The following CREB3L3 variants were observed in gnomAD, a reference collection of about 807,000 sequenced individuals.
The protein encoded by CREB3L3 is cyclic AMP-responsive element-binding protein 3-like protein 3.
A neutral mutation model predicts 44.6 loss-of-function variants in CREB3L3; 40 were observed. That is an observed-to-expected ratio of 0.90 (90% CI 0.70 to 1.17). The LOEUF (loss-of-function observed/expected upper bound fraction) is 1.17. Ranked by LOEUF, CREB3L3 falls within the 50% of genes most tolerant of loss-of-function variation. The probability of loss-of-function intolerance (pLI) is 0.00; values close to 1 mark genes in which losing one functional copy is unlikely to be tolerated. For synonymous variants in CREB3L3, 273 were observed against 256.3 expected (o/e 1.06, Z -0.62); for missense variants, 578 against 595.8 (o/e 0.97, Z 0.31).
chr19:4,172,909 C>G lies in CREB3L3; in HGVS notation c.*940C>G, dbSNP rs1313663512. Reference sequence around the variant, plus strand: ...CCCAGGGACCCCTCCCGGCCTCCCTCGCACACTGGGAGGAGGAAGCCGCCG... The same window carrying G: ...CCCAGGGACCCCTCCCGGCCTCCCTGGCACACTGGGAGGAGGAAGCCGCCG... On this transcript the variant is annotated 3_prime_UTR_variant, in exon 10 of 10. Coordinates refer to ENST00000078445, the MANE Select transcript of CREB3L3 (RefSeq NM_032607.3). The G allele has an allele frequency of 1.3e-5, 2 of 153,722 alleles. No homozygotes were observed. Among genetic ancestry groups the G allele is most frequent in the Non-Finnish European group, 2.9e-5 (2 of 69,046 alleles). 9.5% of individuals were successfully genotyped at this position (153,722 alleles called of 1,614,324 possible).
At position 4,159,724 on chromosome 19, in the gene CREB3L3, C is replaced by A; in HGVS notation, c.518C>A (p.Ser173Tyr). 6.2e-7 allele frequency: 1 copy of A among 1,600,988 alleles called. No homozygotes were observed. Among genetic ancestry groups the A allele is most frequent in the South Asian group, 1.1e-5 (1 of 90,844 alleles). The change falls in exon 4 of 10, where the codon TCC becomes TAC. Residue 173 changes from serine to tyrosine, a missense_variant. Coordinates refer to ENST00000078445, the MANE Select transcript of CREB3L3 (RefSeq NM_032607.3). ...AEKPADPVDLSPRCNLTVKDL... is the reference protein window; with the variant it reads ...AEKPADPVDLYPRCNLTVKDL... ...AAGCCGGCTGATCCGGTGGACCTGTCCCCACGATGCAATCTCACCGTGAAA... is the reference window on the plus strand; with the variant it reads ...AAGCCGGCTGATCCGGTGGACCTGTACCCACGATGCAATCTCACCGTGAAA...
chr19:4,163,339 A>AGAAG (rs752138593), intron 4 of CREB3L3, among the ~76,000 whole-genome samples: 1 of 149,956 alleles, frequency 6.7e-6, no homozygotes, highest in Non-Finnish European at 1.5e-5. Flanking sequence ...AAAGAAAGAA[A>AGAAG]GAAAGAAAGA....
intron 3 of CREB3L3, 100 bp downstream of exon 3, chr19:4,157,395 A>G: frequency 7.5e-7 from 1 of 1,330,742 alleles, no homozygotes; most frequent in Non-Finnish European, 1.1e-6. Flanking sequence ...CATCTTGTCC[A>G]AGGTCACACA....
At position 4,172,120 on chromosome 19, in the gene CREB3L3, C is replaced by A; in HGVS notation, c.*151C>A. ...GAGGCACAGCTCATAGCCACACACC[C>A]AGGGCCTGACTGAGGCCCACGCAGG... On this transcript the variant is annotated 3_prime_UTR_variant, in exon 10 of 10. Transcript: ENST00000078445. The A allele has an allele frequency of 1.2e-6, 1 of 849,564 alleles. No individual in the cohort carries two copies. The highest frequency in any genetic ancestry group is 1.8e-6 in the Non-Finnish European group (1 of 564,888). 52.6% of individuals were successfully genotyped at this position (849,564 alleles called of 1,614,324 possible). A position where few individuals can be genotyped will look rare whatever the true frequency, so the allele number is the denominator to read the frequency against.
chr19:4,171,279 T>G lies in CREB3L3; in HGVS notation c.975+104T>G. 1 of 1,443,434 alleles carries G rather than the reference T, an allele frequency of 6.9e-7. No individual in the cohort carries two copies. Among genetic ancestry groups the G allele is most frequent in the Non-Finnish European group, 9.7e-7 (1 of 1,029,094 alleles). 89.4% of individuals were successfully genotyped at this position (1,443,434 alleles called of 1,614,324 possible). A position where few individuals can be genotyped will look rare whatever the true frequency, so the allele number is the denominator to read the frequency against. On this transcript the variant is annotated intron_variant, in intron 8 of 9. Coordinates refer to ENST00000078445, the MANE Select transcript of CREB3L3 (RefSeq NM_032607.3). This position sits in a 1 kb window ranked among gnomAD's most constrained non-coding sequence, Gnocchi z 4.9. ...AGCTCTCCTTGTGCCCCAGCTCAAG[T>G]ATGATCCAGTCTGGTCTTTGGGGCC...
At chr19:4,163,915 C>T (rs1412065604) in intron 4 of CREB3L3, among the ~76,000 whole-genome samples, 1 of 151,496 alleles carries the variant, frequency 6.6e-6, no homozygotes, top group Non-Finnish European at 1.5e-5. Flanking sequence ...AGCAGTTCTC[C>T]TGCCTCAGCC....
At position 4,170,733 on chromosome 19, in the gene CREB3L3, C is replaced by T. The variant is rs184007954; in HGVS notation, c.891-358C>T. Among the ~76,000 whole-genome samples the T allele has an allele frequency of 7.2e-5, 11 of 151,754 alleles. No homozygotes were observed. In the East Asian group the frequency reaches 2.1e-3, roughly 30 times the overall value. On this transcript the variant is annotated intron_variant, in intron 7 of 9. Transcript: ENST00000078445. Reference sequence around the variant, plus strand: ...GACCATCCTGGCTAACACGGTGAAACCCCGTCTCTACTAAAAATACAAAAA... The same window carrying T: ...GACCATCCTGGCTAACACGGTGAAATCCCGTCTCTACTAAAAATACAAAAA...
Position 4,172,842 on chromosome 19 carries a change from C to T in CREB3L3, c.*873C>T. On this transcript the variant is annotated 3_prime_UTR_variant, in exon 10 of 10. Coordinates refer to ENST00000078445, the MANE Select transcript of CREB3L3 (RefSeq NM_032607.3). ...GTAGTCTGAAACAGACCTGAACAGA[C>T]AGACAGACGCACACACACAACAGAT... 6.3e-6 allele frequency: 1 copy of T among 158,002 alleles called. No individual in the cohort carries two copies. Among genetic ancestry groups the T allele is most frequent in the Non-Finnish European group, 1.4e-5 (1 of 71,864 alleles). 9.8% of individuals were successfully genotyped at this position (158,002 alleles called of 1,614,324 possible). A position where few individuals can be genotyped will look rare whatever the true frequency, so the allele number is the denominator to read the frequency against.
chr19:4,164,753 G>A (rs1471470465), intron 5 of CREB3L3, 113 bp downstream of exon 5: 78 of 1,291,604 alleles, frequency 6.0e-5, no homozygotes, highest in Non-Finnish European at 7.8e-5. Flanking sequence ...CTGTCACTGA[G>A]GCTGGGATGC....
rs146941915 is a variant in CREB3L3, at chr19:4,160,356, G to A, written c.576+574G>A. 3.6e-3 allele frequency among the ~76,000 whole-genome samples: 554 copies of A among 151,884 alleles called. 3 individuals are homozygous for A. Among genetic ancestry groups the A allele is most frequent in the African/African-American group, 0.013 (520 of 41,458 alleles). ...AGGCTGCACCTGCTATATGCCAGGC[G>A]CTCTTTATTTATCATCTTAAAAAAG... is the stretch of plus-strand genomic sequence containing the variant. On this transcript the variant is annotated intron_variant, in intron 4 of 9. Transcript: ENST00000078445.
Position 4,157,011 on chromosome 19 carries a change from C to T in CREB3L3, c.173C>T (p.Pro58Leu). Reference protein sequence around the residue: ...HVKDQQVLPNPDSDDFLSSIL... With the variant: ...HVKDQQVLPNLDSDDFLSSIL... ...CCACCCCAGCAGGTCCTGCCAAACC[C>T]CGACTCTGACGACTTCCTCAGCTCC... Residue 58 changes from proline to leucine, a missense_variant, in exon 3 of 10, where the codon CCC becomes CTC. Coordinates refer to ENST00000078445, the MANE Select transcript of CREB3L3 (RefSeq NM_032607.3). 1.2e-6 allele frequency: 2 copies of T among 1,614,110 alleles called. No homozygotes were observed. Among genetic ancestry groups the T allele is most frequent in the Non-Finnish European group, 1.7e-6 (2 of 1,180,022 alleles).
Position 4,157,182 on chromosome 19 carries a change from C to A in CREB3L3, c.344C>A (p.Pro115His). The A allele has an allele frequency of 4.3e-6, 7 of 1,614,082 alleles. No individual in the cohort carries two copies. Among genetic ancestry groups the A allele is most frequent in the Non-Finnish European group, 5.9e-6 (7 of 1,179,998 alleles). Residue 115 changes from proline to histidine, a missense_variant, in exon 3 of 10, where the codon CCT becomes CAT. Pro to His is a moderately conservative substitution (Grantham distance 77). Coordinates refer to ENST00000078445, the MANE Select transcript of CREB3L3 (RefSeq NM_032607.3). ...GPATSPAGCH[P>H]AQPGKGPCLS... The stretch of plus-strand genomic sequence containing the variant: ...GCCACCTCCCCCGCCGGCTGCCATC[C>A]TGCCCAGCCTGGCAAGGGGCCCTGC...
chr19:4,159,781 TG>T lies in CREB3L3; in HGVS notation c.576+1del. 1.5e-6 allele frequency: 2 copies of T among 1,348,218 alleles called. No individual in the cohort carries two copies. Among genetic ancestry groups the T allele is most frequent in the Non-Finnish European group, 1.1e-6 (1 of 937,280 alleles). 83.5% of individuals were successfully genotyped at this position (1,348,218 alleles called of 1,614,324 possible). A position where few individuals can be genotyped will look rare whatever the true frequency, so the allele number is the denominator to read the frequency against. Reference protein sequence around the residue: ...DLLLSGSSGDLQQHHLGASYL... With the variant: ...DLLLSGSSGDXQQHHLGASYL... ...CTCCTTTCGGGCAGCAGTGGGGACC[TG>T]GTGAGCACCCCCACACCCTCCCATG... On this transcript the variant is annotated frameshift_variant and splice_region_variant, in exon 4 of 10. Coordinates refer to ENST00000078445, the MANE Select transcript of CREB3L3 (RefSeq NM_032607.3). LOFTEE classifies it high-confidence loss of function.
rs1335419406 is a variant in CREB3L3, at chr19:4,172,108, T to C, written c.*139T>C. Reference sequence around the variant, plus strand: ...GCCAGAATGGGGGAGGCACAGCTCATAGCCACACACCCAGGGCCTGACTGA... The same window carrying C: ...GCCAGAATGGGGGAGGCACAGCTCACAGCCACACACCCAGGGCCTGACTGA... On this transcript the variant is annotated 3_prime_UTR_variant, in exon 10 of 10. Coordinates refer to ENST00000078445, the MANE Select transcript of CREB3L3 (RefSeq NM_032607.3). 3 of 928,308 alleles carry C rather than the reference T, an allele frequency of 3.2e-6. No individual in the cohort carries two copies. The highest frequency in any genetic ancestry group is 3.3e-5 in the African/African-American group (2 of 60,022). The allele number at this position is 928,308 out of a possible 1,614,324, so 57.5% of individuals were successfully genotyped here. A position where few individuals can be genotyped will look rare whatever the true frequency, so the allele number is the denominator to read the frequency against.
rs114296254 is a variant in CREB3L3 at position 4,157,865 on chromosome 19, A to G, written c.457+570A>G. ...CATGCCCAGCTAATATTTATTTTTT[A>G]GTAGAGACGAGGTTTCACCATGTTG... On this transcript the variant is annotated intron_variant, in intron 3 of 9. Transcript: ENST00000078445. Among the ~76,000 whole-genome samples the G allele has an allele frequency of 3.1e-3, 470 of 151,796 alleles. 1 individual carries two copies. Among genetic ancestry groups the G allele is most frequent in the African/African-American group, 0.011 (437 of 41,412 alleles).
intron 7 of CREB3L3, 78 bp downstream of exon 7, chr19:4,170,286 T>C: frequency 2.2e-6 from 3 of 1,373,896 alleles, no homozygotes; most frequent in Non-Finnish European, 3.1e-6. Flanking sequence ...AGAGAGCCCA[T>C]GTGATGGCAG....
chr19:4,157,150 C>A lies in CREB3L3; in HGVS notation c.312C>A (p.Ser104Arg). 6.2e-7 allele frequency: 1 copy of A among 1,614,004 alleles called. No individual in the cohort carries two copies. Among genetic ancestry groups the A allele is most frequent in the Non-Finnish European group, 8.5e-7 (1 of 1,180,000 alleles). Residue 104 changes from serine (S) to arginine (R), a missense_variant, in exon 3 of 10, where the codon AGC (serine) becomes AGA (arginine). By Grantham distance (110) the Ser-to-Arg change is moderately radical. Transcript: ENST00000078445. ...ACCCCCAGGACACCCCTCCACGCAG[C>A]GGACCAGCCACCTCCCCCGCCGGCT... is the stretch of plus-strand genomic sequence containing the variant. ...PSDPQDTPPR[S>R]GPATSPAGCH...
chr19:4,157,186 C>G lies in CREB3L3; in HGVS notation c.348C>G (p.Ala116=). The G allele has an allele frequency of 3.1e-6, 5 of 1,614,052 alleles. No homozygotes were observed. Among genetic ancestry groups the G allele is most frequent in the Non-Finnish European group, 4.2e-6 (5 of 1,179,992 alleles). Residue 116 remains alanine, a synonymous_variant, in exon 3 of 10, where the codon GCC becomes GCG. Coordinates refer to ENST00000078445, the MANE Select transcript of CREB3L3 (RefSeq NM_032607.3). ...PATSPAGCHP[A]QPGKGPCLSY... The stretch of plus-strand genomic sequence containing the variant: ...CCTCCCCCGCCGGCTGCCATCCTGC[C>G]CAGCCTGGCAAGGGGCCCTGCCTCT...
At position 4,172,300 on chromosome 19, in the gene CREB3L3, C is replaced by G. The variant is rs934710688; in HGVS notation, c.*331C>G. On this transcript the variant is annotated 3_prime_UTR_variant, in exon 10 of 10. Transcript: ENST00000078445. ...ACAGACCCGGACAGACAGACACAGC[C>G]TGAAACAGACCCAGACAAACAGACA... 1.9e-5 allele frequency: 9 copies of G among 485,466 alleles called. No individual in the cohort carries two copies. The highest frequency in any genetic ancestry group is 3.3e-5 in the Non-Finnish European group (9 of 269,340). 30.1% of individuals were successfully genotyped at this position (485,466 alleles called of 1,614,324 possible).
Sources: gnomAD v4.1 joint callset for allele counts (sites outside exome capture counted in the v4.1 genomes callset) on GRCh38, gnomAD v4.1.1 for gene constraint, Gnocchi (gnomAD v3.1) non-coding constraint, MANE v1.5 for transcripts, NCBI Gene and HGNC (gene_info 2026-07-23, HGNC 2026-07-21) for gene names.